Variants in MUC5B observed in about 807,000 individuals in gnomAD.
MUC5B encodes the protein mucin-5B.
MUC5B carries 116 observed loss-of-function variants against 376.9 expected under a neutral mutation model. The ratio of observed to expected loss-of-function variants is 0.31; its 90% confidence interval spans 0.26 to 0.36. The LOEUF (loss-of-function observed/expected upper bound fraction) is 0.36. MUC5B is among the 10% of genes least tolerant of loss of function. The pLI is 1.00. For missense variants in MUC5B, 7,165 were observed against 7,769.9 expected (o/e 0.92, Z 2.93); for synonymous variants, 3,517 against 3,390.9 (o/e 1.04, Z -1.29).
In MUC5B at chr11:1,227,760, G is replaced by A. The variant is rs527543345; in HGVS notation, c.753G>A (p.Pro251=). The A allele has an allele frequency of 1.8e-5, 13 of 718,334 alleles. No homozygotes were observed. Among genetic ancestry groups the A allele is most frequent in the African/African-American group, 8.7e-5 (5 of 57,522 alleles). The allele number at this position is 718,334 out of a possible 1,614,324, so 44.5% of individuals were successfully genotyped here. ...TEQCPDPLPL[P]AGNCTDEEGI... is the part of the protein sequence containing the mutation. ...AGTGCCCGGACCCGCTGCCCTTGCC[G>A]GCCGGCAACTGCACGGACGAGGTGA... The change falls in exon 7 of 49, where the codon CCG becomes CCA. Residue 251 remains proline, a synonymous_variant. Coordinates refer to ENST00000529681, the MANE Select transcript of MUC5B (RefSeq NM_002458.3).
rs1306441324 is a variant in MUC5B, at chr11:1,234,549, C to A, written c.2499C>A (p.Ser833=). 3.2e-6 allele frequency: 5 copies of A among 1,581,924 alleles called. No individual in the cohort carries two copies. The South Asian group carries it at 4.6e-5, about 15-fold the overall frequency. The change falls in exon 21 of 49, where the codon TCC becomes TCA. Residue 833 remains serine, a synonymous_variant. Transcript: ENST00000529681. This position sits in a 1 kb window ranked among gnomAD's most constrained non-coding sequence, Gnocchi z 6.3. ...CACAGTTCAGCACACACTGCGTGTCCGGCTGTGTCTGTCCCCCGGGGCTGG... is the reference window on the plus strand; with the variant it reads ...CACAGTTCAGCACACACTGCGTGTCAGGCTGTGTCTGTCCCCCGGGGCTGG... ...DVGCFSTHCV[S]GCVCPPGLVS... is the part of the protein sequence containing the mutation.
intron 25 of MUC5B, 31 bp from the exon 26 acceptor site, chr11:1,238,840 C>A: frequency 6.5e-7 from 1 of 1,539,102 alleles, no homozygotes; most frequent in East Asian, 2.5e-5. Flanking sequence ...GCCATTGTCC[C>A]GGCTGAGCTG....
Position 1,228,723 on chromosome 11 carries a change from G to T in MUC5B, c.934G>T (p.Ala312Ser). ...GGAATACTCACGCCAGTGCGCCCAC[G>T]CGGGGGGCCAGCCGCGGAACTGGAG... ...FVEYSRQCAH[A>S]GGQPRNWRCP... Residue 312 changes from alanine to serine, a missense_variant, in exon 8 of 49, where the codon GCG (alanine) becomes TCG (serine). Transcript: ENST00000529681. 6.6e-7 allele frequency: 1 copy of T among 1,525,118 alleles called. No homozygotes were observed. 94.5% of individuals were successfully genotyped at this position (1,525,118 alleles called of 1,614,324 possible).
rs1379553579 is a variant in MUC5B, at chr11:1,241,527, C to T, written c.4647C>T (p.Cys1549=). Residue 1549 remains cysteine (C), a synonymous_variant, in exon 31 of 49, where the codon TGC becomes TGT. Transcript: ENST00000529681. The stretch of plus-strand genomic sequence containing the variant: ...GCCAGCAGCCTAAGGACATAGAGTG[C>T]CAGGCCGAGAGCTTCCCCAACTGGA... ...HLCQQPKDIE[C]QAESFPNWTL... is the part of the protein sequence containing the mutation. 2 of 1,612,814 alleles carry T rather than the reference C, an allele frequency of 1.2e-6. No individual in the cohort carries two copies. Among genetic ancestry groups the T allele is most frequent in the Non-Finnish European group, 1.7e-6 (2 of 1,179,618 alleles).
rs189476159 is a variant in MUC5B, at chr11:1,259,521, G to A, written c.16714-235G>A. 1.6e-4 allele frequency: 97 copies of A among 588,898 alleles called. 1 individual carries two copies. In the East Asian group the frequency reaches 2.6e-3, roughly 16 times the overall value. 36.5% of individuals were successfully genotyped at this position (588,898 alleles called of 1,614,324 possible). On this transcript the variant is annotated intron_variant, in intron 44 of 48. Transcript: ENST00000529681. ...GGGACAGGACCTGCAGGCTGCTGGGGACAGGGGCTGAGGTCAGGTTCCAGG... is the reference window on the plus strand; with the variant it reads ...GGGACAGGACCTGCAGGCTGCTGGGAACAGGGGCTGAGGTCAGGTTCCAGG...
Position 1,247,119 on chromosome 11 carries a change from T to G in MUC5B, c.10239T>G (p.Thr3413=). The change falls in exon 31 of 49, where the codon ACT becomes ACG. Residue 3413 remains threonine, a synonymous_variant. Transcript: ENST00000529681. ...ACCCCTCCTCAACTCCAGGGACAAC[T>G]CCCATCCCCCCAGTGCTGACCACCA... ...TTNPSSTPGT[T]PIPPVLTTTA... is the part of the protein sequence containing the mutation. The G allele has an allele frequency of 6.5e-7, 1 of 1,537,006 alleles. No homozygotes were observed.
Position 1,228,644 on chromosome 11 carries a change from C to T in MUC5B, c.855C>T (p.Ala285=), listed in dbSNP as rs114039888. 3.2e-4 allele frequency: 494 copies of T among 1,534,242 alleles called. No homozygotes were observed. In the African/African-American group the frequency reaches 5.9e-3, roughly 18 times the overall value. Residue 285 remains alanine, a synonymous_variant, in exon 8 of 49, where the codon GCC becomes GCT. Transcript: ENST00000529681. ...TGGTGGACAGCACTGCGTACCTGGC[C>T]GCCTGCGCCCAGGACCTGTGCCGCT... The part of the protein sequence containing the change: ...HALVDSTAYL[A]ACAQDLCRCP...
chr11:1,228,706 C>T lies in MUC5B; in HGVS notation c.917C>T (p.Ser306Leu), dbSNP rs1028469331. 2.6e-6 allele frequency: 4 copies of T among 1,531,620 alleles called. No individual in the cohort carries two copies. The highest frequency in any genetic ancestry group is 3.5e-6 in the Non-Finnish European group (4 of 1,143,976). The allele number at this position is 1,531,620 out of a possible 1,614,324, so 94.9% of individuals were successfully genotyped here. The change falls in exon 8 of 49, where the codon TCA (serine) becomes TTA (leucine). Residue 306 changes from serine to leucine, a missense_variant. By Grantham distance (145) the Ser-to-Leu change is moderately radical. Around this residue, in one of 31 missense-constraint regions of MUC5B, gnomAD observed 640 missense variants for 733.0 expected, o/e 0.87. Coordinates refer to ENST00000529681, the MANE Select transcript of MUC5B (RefSeq NM_002458.3). The stretch of plus-strand genomic sequence containing the variant: ...CCGTGTGCCACCTTTGTGGAATACT[C>T]ACGCCAGTGCGCCCACGCGGGGGGC... ...TCPCATFVEY[S>L]RQCAHAGGQP...
Position 1,253,582 on chromosome 11 carries a change from G to C in MUC5B, c.15218-510G>C, listed in dbSNP as rs774195756. Among the ~76,000 whole-genome samples the C allele has an allele frequency of 6.6e-6, 1 of 152,156 alleles. No homozygotes were observed. The highest frequency in any genetic ancestry group is 2.4e-5 in the African/African-American group (1 of 41,434). ...CTTATACAACAGAAACCCACTCTCCGTCCTGGAGCTGGAAGTCTGAGATCC... is the reference window on the plus strand; with the variant it reads ...CTTATACAACAGAAACCCACTCTCCCTCCTGGAGCTGGAAGTCTGAGATCC... On this transcript the variant is annotated intron_variant, in intron 33 of 48. Coordinates refer to ENST00000529681, the MANE Select transcript of MUC5B (RefSeq NM_002458.3). The surrounding 1 kb of genome is among the most constrained non-coding windows in gnomAD (Gnocchi z 4.3).
intron 1 of MUC5B, 105 bp from the exon 2 acceptor site, chr11:1,225,576 C>T (rs1333677326): frequency 2.0e-6 from 2 of 1,025,404 alleles, no homozygotes; most frequent in South Asian, 3.1e-5. Flanking sequence ...CACCAAGGAC[C>T]CCACATGCGG....
At chr11:1,228,182 G>A (rs1861932215) in intron 7 of MUC5B, among the ~76,000 whole-genome samples, 1 of 152,182 alleles carries the variant, frequency 6.6e-6, no homozygotes, top group South Asian at 2.1e-4. Context: ...CTGTGAGCTG[G>A]GCCCCGCAGC....
intron 7 of MUC5B, 118 bp from the exon 8 acceptor site, chr11:1,228,446 C>G: frequency 1.0e-6 from 1 of 999,438 alleles, no homozygotes; most frequent in Non-Finnish European, 1.4e-6. Flanking sequence ...GGGCTGGGTA[C>G]AAGGAACCCC....
Position 1,227,291 on chromosome 11 carries a change from C to A in MUC5B, c.577-17C>A, listed in dbSNP as rs759904562. 5.7e-5 allele frequency: 92 copies of A among 1,605,538 alleles called. No individual in the cohort carries two copies. Among genetic ancestry groups the A allele is most frequent in the Non-Finnish European group, 7.7e-5 (90 of 1,173,952 alleles). On this transcript the variant is annotated splice_polypyrimidine_tract_variant and intron_variant, in intron 5 of 48. Coordinates refer to ENST00000529681, the MANE Select transcript of MUC5B (RefSeq NM_002458.3). ...ATCAGAGGTCCTGAGGCTGGAGCTG[C>A]CCCTCCCCACTCTCAGCTGGAGCTG...
chr11:1,235,377 C>G lies in MUC5B; in HGVS notation c.2844C>G (p.Gly948=), dbSNP rs112734636. ...VTENIPCGTT[G]TTCSKAIKLF... ...AGAACATCCCCTGTGGGACCACCGG[C>G]ACCACCTGCTCCAAGGCCATCAAGC... Residue 948 remains glycine, a synonymous_variant, in exon 23 of 49, where the codon GGC becomes GGG. Coordinates refer to ENST00000529681, the MANE Select transcript of MUC5B (RefSeq NM_002458.3). 1 of 1,612,696 alleles carries G rather than the reference C, an allele frequency of 6.2e-7. No individual in the cohort carries two copies. The highest frequency in any genetic ancestry group is 8.5e-7 in the Non-Finnish European group (1 of 1,179,764).
rs1010183975 is a variant in MUC5B at position 1,232,705 on chromosome 11, C to A, written c.2000C>A (p.Ser667Tyr). Residue 667 changes from serine (S) to tyrosine (Y), a missense_variant, in exon 17 of 49, where the codon TCC (serine) becomes TAC (tyrosine). By Grantham distance (144) the Ser-to-Tyr change is moderately radical (BLOSUM62 -2). This residue lies in a region of MUC5B where 530 missense variants were observed against 604.0 expected (regional missense o/e 0.88). Transcript: ENST00000529681. The stretch of plus-strand genomic sequence containing the variant: ...GAGGACTGCCTGTGCGCCGCGCTGT[C>A]CTCCTATGTGCACGCCTGTGCCGCC... ...RSEDCLCAAL[S>Y]SYVHACAAKG... 12 of 1,600,406 alleles carry A rather than the reference C, an allele frequency of 7.5e-6. No individual in the cohort carries two copies. Among genetic ancestry groups the A allele is most frequent in the Non-Finnish European group, 1.0e-5 (12 of 1,174,596 alleles).
chr11:1,231,478 G>T lies in MUC5B; in HGVS notation c.1596G>T (p.Leu532=), dbSNP rs2735709. The T allele has an allele frequency of 6.6e-5, 107 of 1,609,266 alleles. 1 individual carries two copies. The highest frequency in any genetic ancestry group is 6.3e-4 in the African/African-American group (47 of 74,828). ...TCTTCATCGTGGTGCAGACAGGCCTGGGGCTGCAGCTGCTGGTGCAGCTGG... is the reference window on the plus strand; with the variant it reads ...TCTTCATCGTGGTGCAGACAGGCCTTGGGCTGCAGCTGCTGGTGCAGCTGG... ...SSFFIVVQTG[L]GLQLLVQLVP... is the part of the protein sequence containing the mutation. The change falls in exon 14 of 49, where the codon CTG becomes CTT. Residue 532 remains leucine, a synonymous_variant. Coordinates refer to ENST00000529681, the MANE Select transcript of MUC5B (RefSeq NM_002458.3).
chr11:1,250,395 T>G lies in MUC5B; in HGVS notation c.13515T>G (p.Thr4505=), dbSNP rs4046526. ...CCTCCTCCAGTCCAGGGACTGCAAC[T>G]GCCCTTCCAGCACTGAGAAGCACAG... ...ATPSSSPGTA[T]ALPALRSTAT... Residue 4505 remains threonine, a synonymous_variant, in exon 31 of 49, where the codon ACT becomes ACG. Transcript: ENST00000529681. The G allele has an allele frequency of 1.7e-5, 27 of 1,578,716 alleles. No homozygotes were observed. Among genetic ancestry groups the G allele is most frequent in the Non-Finnish European group, 2.3e-5 (27 of 1,153,400 alleles).
In MUC5B at chr11:1,257,566, G is replaced by A. The variant is rs55657020; in HGVS notation, c.16306G>A (p.Val5436Met). The change falls in exon 41 of 49, where the codon GTG becomes ATG. Residue 5436 changes from valine to methionine, a missense_variant. Transcript: ENST00000529681. The surrounding 1 kb of genome is among the most constrained non-coding windows in gnomAD (Gnocchi z 8.9). ...GTGGGTCAGCAACTGCCAGTCCTGC[G>A]TGTGTGACGAGGGTTCAGTGTCGGT... ...ERWVSNCQSCVCDEGSVSVQC... is the reference protein window; with the variant it reads ...ERWVSNCQSCMCDEGSVSVQC... The A allele has an allele frequency of 0.029, 46,827 of 1,607,968 alleles. 884 individuals are homozygous for A. Among genetic ancestry groups the A allele is most frequent in the Non-Finnish European group, 0.033 (38,547 of 1,179,686 alleles).
rs776409507 is a variant in MUC5B at position 1,241,311 on chromosome 11, G to A, written c.4431G>A (p.Thr1477=). The stretch of plus-strand genomic sequence containing the variant: ...GGGTGACCCCGAGCATCCGGTCGAC[G>A]GCGGCCCTCACCTCGCAGACTGGGT... ...TLWVTPSIRS[T]AALTSQTGSS... Residue 1477 remains threonine (T), a synonymous_variant, in exon 31 of 49, where the codon ACG becomes ACA. Coordinates refer to ENST00000529681, the MANE Select transcript of MUC5B (RefSeq NM_002458.3). 10 of 1,605,778 alleles carry A rather than the reference G, an allele frequency of 6.2e-6. No individual in the cohort carries two copies. In the Admixed American group the frequency reaches 6.8e-5, roughly 11 times the overall value.
Sources: gnomAD v4.1 joint callset for allele counts (sites outside exome capture counted in the v4.1 genomes callset) on GRCh38, gnomAD v4.1.1 for gene constraint, gnomAD v4.1.1 regional missense constraint, Gnocchi (gnomAD v3.1) non-coding constraint, MANE v1.5 for transcripts, NCBI Gene and HGNC (gene_info 2026-07-23, HGNC 2026-07-21) for gene names.